COL25A1: variants seen among roughly 807,000 people sequenced by gnomAD.
The protein encoded by COL25A1 is collagen alpha-1(XXV) chain.
In COL25A1, 103 loss-of-function variants were observed where a neutral mutation model predicts 128.4. That is an observed-to-expected ratio of 0.80 (90% CI 0.68 to 0.94). The LOEUF is 0.94. Ranked by LOEUF, COL25A1 falls within the 40% of genes least tolerant of loss-of-function variation. The pLI is 0.00. For missense variants in COL25A1, 745 were observed against 840.0 expected (o/e 0.89, Z 1.40); for synonymous variants, 279 against 277.2 (o/e 1.01, Z -0.06).
intron 20 of COL25A1, 145 bp downstream of exon 20, chr4:108,868,943 A>G (rs1026147907): frequency 2.7e-5 from 15 of 562,146 alleles, no homozygotes; most frequent in Admixed American, 7.1e-5. Context: ...AAGGAAAGAA[A>G]GAAAAGAAAG....
At chr4:109,106,876 T>G (rs1481221234) in intron 3 of COL25A1, among the ~76,000 whole-genome samples, 1 of 152,160 alleles carries the variant, frequency 6.6e-6, no homozygotes, top group Non-Finnish European at 1.5e-5. Flanking sequence ...CAAGTGATCC[T>G]CCCACCTCAG....
At chr4:108,915,332 A>G (rs1252960315) in intron 13 of COL25A1, among the ~76,000 whole-genome samples, 2 of 152,098 alleles carry the variant, frequency 1.3e-5, no homozygotes, top group Non-Finnish European at 2.9e-5. Context: ...GAAACAAAGC[A>G]TTTTTGTCTT....
intron 3 of COL25A1, among the ~76,000 whole-genome samples, chr4:109,066,414 C>T (rs1762451755): frequency 6.6e-6 from 1 of 152,188 alleles, no homozygotes; most frequent in Non-Finnish European, 1.5e-5. Flanking sequence ...CTATGATTTG[C>T]TGAAAGGCAA....
Position 109,152,292 on chromosome 4 carries a change from A to G in COL25A1, c.368-102113T>C, listed in dbSNP as rs537460336. Among the ~76,000 whole-genome samples, 22 of 152,306 alleles carry G rather than the reference A, an allele frequency of 1.4e-4. No individual in the cohort carries two copies. In the South Asian group the frequency reaches 4.6e-3, roughly 32 times the overall value. ...ATACAGTAAGTGGAGTTCAAAAATT[A>G]TACTTGAATTCTGATGGGTTTACAT... On this transcript the variant is annotated intron_variant, in intron 3 of 37. Coordinates refer to ENST00000399132, the MANE Select transcript of COL25A1 (RefSeq NM_198721.4).
At position 109,302,002 on chromosome 4, in the gene COL25A1, G is replaced by A. The variant is rs1428831210; in HGVS notation, c.18C>T (p.His6=). The change falls in exon 2 of 38, where the codon CAC becomes CAT. Residue 6 remains histidine (H), a synonymous_variant. Coordinates refer to ENST00000399132, the MANE Select transcript of COL25A1 (RefSeq NM_198721.4). MLLKK[H]AGKGGGREPR... ...GCTCCCGGCCCCCTCCTTTCCCTGC[G>A]TGCTTCTTCAGCAGCATCGTGGCGG... 6.3e-7 allele frequency: 1 copy of A among 1,597,370 alleles called. No homozygotes were observed. The highest frequency in any genetic ancestry group is 1.3e-5 in the African/African-American group (1 of 74,688).
chr4:109,164,570 T>C (rs374844598), intron 3 of COL25A1, among the ~76,000 whole-genome samples: 5 of 152,312 alleles, frequency 3.3e-5, no homozygotes, highest in African/African-American at 1.2e-4. Context: ...CTCCAACTAG[T>C]GCAAGTTTGT....
chr4:109,096,219 T>C (rs1159990714), intron 3 of COL25A1, among the ~76,000 whole-genome samples: 2 of 152,216 alleles, frequency 1.3e-5, no homozygotes, highest in Non-Finnish European at 2.9e-5. Flanking sequence ...ACTTTACTTC[T>C]ACAGTTCACT....
chr4:109,062,566 TCTGTACACAAAG>T (rs139664005), intron 3 of COL25A1, among the ~76,000 whole-genome samples: 26,240 of 152,036 alleles, frequency 0.17, 2,497 homozygotes, highest in Non-Finnish European at 0.22. Context: ...TAAAATAAAT[TCTGTACACAAAG>T]CTTTGTGTAA....
intron 19 of COL25A1, among the ~76,000 whole-genome samples, chr4:108,872,865 A>G (rs760728216): frequency 6.6e-6 from 1 of 152,056 alleles, no homozygotes; most frequent in Non-Finnish European, 1.5e-5. Flanking sequence ...GATTTTTAGA[A>G]ATTTTTCAGT....
chr4:108,821,801 T>G (rs988829713), intron 35 of COL25A1, among the ~76,000 whole-genome samples: 11 of 152,168 alleles, frequency 7.2e-5, no homozygotes, highest in Admixed American at 3.9e-4. Flanking sequence ...ATTGTGGGTA[T>G]GAGTACATGA....
At chr4:109,149,999 G>GGT (rs1160836259) in intron 3 of COL25A1, among the ~76,000 whole-genome samples, 6 of 132,196 alleles carry the variant, frequency 4.5e-5, no homozygotes, top group Admixed American at 1.7e-4. Context: ...TGTATGTGTG[G>GGT]GTGTGTGTGT....
rs59126671 is a variant in COL25A1, at chr4:109,254,509, A to ATATATATATATG, written c.367+46073_367+46074insCATATATATATA. Among the ~76,000 whole-genome samples, 116 of 104,474 alleles carry ATATATATATATG rather than the reference A, an allele frequency of 1.1e-3. 3 individuals are homozygous for ATATATATATATG. The highest frequency in any genetic ancestry group is 4.0e-3 in the African/African-American group (109 of 26,966). 68.5% of individuals were successfully genotyped at this position (104,474 alleles called of 152,430 possible). ...TATATATATATATATATATATATGTATGTGTGTATATACATATACATATAT... is the reference window on the plus strand; with the variant it reads ...TATATATATATATATATATATATGTATATATATATATGTGTGTGTATATACATATACATATAT... On this transcript the variant is annotated intron_variant, in intron 3 of 37. Transcript: ENST00000399132.
intron 3 of COL25A1, among the ~76,000 whole-genome samples, chr4:109,149,888 C>T (rs1178234511): frequency 6.6e-6 from 1 of 151,888 alleles, no homozygotes; most frequent in Non-Finnish European, 1.5e-5. Flanking sequence ...TAGGTTCACA[C>T]CTAATTAAAT....
chr4:109,299,388 A>T (rs1332049204), intron 3 of COL25A1, among the ~76,000 whole-genome samples: 3 of 152,206 alleles, frequency 2.0e-5, no homozygotes, highest in Non-Finnish European at 2.9e-5. Flanking sequence ...GGTACCTAAC[A>T]TATATGTCTT....
At chr4:109,214,096 G>T (rs1777797568) in intron 3 of COL25A1, among the ~76,000 whole-genome samples, 2 of 151,968 alleles carry the variant, frequency 1.3e-5, no homozygotes, top group Admixed American at 1.3e-4. Flanking sequence ...TAAGATTAAT[G>T]ATCTGGGCTT....
At position 108,834,047 on chromosome 4, in the gene COL25A1, T is replaced by C. The variant is rs146166706; in HGVS notation, c.1657-1614A>G. On this transcript the variant is annotated intron_variant, in intron 31 of 37. Transcript: ENST00000399132. ...GTCTGTCTATTGGTTCTGGAAAAAT[T>C]CATGTGGAATTCTAAGACAATGAAG... Among the ~76,000 whole-genome samples, 54 of 152,276 alleles carry C rather than the reference T, an allele frequency of 3.5e-4. 1 individual carries two copies. The highest frequency in any genetic ancestry group is 1.2e-3 in the African/African-American group (51 of 41,562).
intron 3 of COL25A1, among the ~76,000 whole-genome samples, chr4:109,175,234 C>T (rs1015172927): frequency 1.3e-5 from 2 of 152,140 alleles, no homozygotes; most frequent in Non-Finnish European, 2.9e-5. Context: ...TGGCCAAGGT[C>T]ATAAAAAATG....
In COL25A1 at chr4:108,812,910, A is replaced by AG. The variant is rs1358310073; in HGVS notation, c.*1016dup. 15 of 152,234 alleles carry AG rather than the reference A, an allele frequency of 9.9e-5. No homozygotes were observed. Among genetic ancestry groups the AG allele is most frequent in the Non-Finnish European group, 1.9e-4 (13 of 68,042 alleles). 9.4% of individuals were successfully genotyped at this position (152,234 alleles called of 1,614,324 possible). A position where few individuals can be genotyped will look rare whatever the true frequency, so the allele number is the denominator to read the frequency against. On this transcript the variant is annotated 3_prime_UTR_variant, in exon 38 of 38. Transcript: ENST00000399132. Reference sequence around the variant, plus strand: ...TGGACATCCCTTTTCCCTCAGGGACAGGATCTCCCATTCCAAGAATCTCCT... The same window carrying AG: ...TGGACATCCCTTTTCCCTCAGGGACAGGGATCTCCCATTCCAAGAATCTCCT...
chr4:108,960,677 T>G (rs1028782150), intron 8 of COL25A1, among the ~76,000 whole-genome samples: 1 of 152,160 alleles, frequency 6.6e-6, no homozygotes, highest in Non-Finnish European at 1.5e-5. Flanking sequence ...AGAACCATCT[T>G]CTTCAACCAC....
Sources: allele counts gnomAD v4.1 joint callset (sites outside exome capture counted in the v4.1 genomes callset), GRCh38; gene constraint gnomAD v4.1.1; transcripts MANE v1.5; gene names NCBI Gene and HGNC (gene_info 2026-07-23, HGNC 2026-07-21).